The following SEMA3D variants were observed in gnomAD, a reference collection of about 807,000 sequenced individuals.
The protein encoded by SEMA3D is semaphorin-3D.
SEMA3D carries 84 observed loss-of-function variants against 100.1 expected under a neutral mutation model. The observed-to-expected ratio is 0.84, with a 90% CI of 0.70 to 1.01. The LOEUF (loss-of-function observed/expected upper bound fraction) is 1.01. Ranked by LOEUF, SEMA3D falls within the 50% of genes least tolerant of loss-of-function variation. The probability of loss-of-function intolerance (pLI) is 0.00; values close to 1 mark genes in which losing one functional copy is unlikely to be tolerated. For synonymous variants in SEMA3D, 312 were observed against 320.7 expected, an observed-to-expected ratio of 0.97 and a Z score of 0.29; for missense variants, 875 against 934.1, an observed-to-expected ratio of 0.94 and a Z score of 0.82.
At chr7:85,005,235 G>A (rs1239960016) in intron 18 of SEMA3D, among the ~76,000 whole-genome samples, 1 of 151,786 alleles carries the variant, frequency 6.6e-6, no homozygotes, top group Non-Finnish European at 1.5e-5. Flanking sequence ...AAATCTGCAA[G>A]TTAAAAAATT....
At chr7:85,029,061 C>A (rs1296335681) in intron 12 of SEMA3D, 2 of 524,372 alleles carry the variant, frequency 3.8e-6, no homozygotes, top group South Asian at 3.6e-5. Context: ...TCATGGCTGT[C>A]CTCATCAAGT....
chr7:85,244,333 G>A, the SEMA3D span, among the ~76,000 whole-genome samples: 3 of 152,134 alleles, frequency 2.0e-5, no homozygotes, highest in Non-Finnish European at 4.4e-5. Flanking sequence ...CTATTCATGA[G>A]GGTGGTACCC....
intron 17 of SEMA3D, among the ~76,000 whole-genome samples, chr7:85,010,160 C>T (rs996435847): frequency 1.3e-5 from 2 of 151,728 alleles, no homozygotes; most frequent in African/African-American, 4.8e-5. Context: ...TGCAAACATA[C>T]ATAAGGCAGC....
chr7:85,009,299 T>A (rs558373616), intron 17 of SEMA3D, among the ~76,000 whole-genome samples: 1 of 151,918 alleles, frequency 6.6e-6, no homozygotes, highest in East Asian at 1.9e-4. Context: ...GAACTATTTT[T>A]CTGCATGTAT....
rs71082183 is a variant in SEMA3D at position 85,033,858 on chromosome 7, TACACACACAC to T, written c.1191+3021_1191+3030del. 1.1e-4 allele frequency among the ~76,000 whole-genome samples: 15 copies of T among 141,190 alleles called. 1 individual carries two copies. The highest frequency in any genetic ancestry group is 1.3e-4 in the African/African-American group (5 of 38,490). The allele number at this position is 141,190 out of a possible 152,430, so 92.6% of individuals were successfully genotyped here. ...GTTTTCCCAATTTTAATCACACACA[TACACACACAC>T]ACACACACACACACACACACACACA... On this transcript the variant is annotated intron_variant, in intron 12 of 18. Coordinates refer to ENST00000284136, the MANE Select transcript of SEMA3D (RefSeq NM_001384900.1).
chr7:85,167,069 T>C (rs756596576), intron 1 of SEMA3D, among the ~76,000 whole-genome samples: 3 of 151,902 alleles, frequency 2.0e-5, no homozygotes, highest in Non-Finnish European at 4.4e-5. Flanking sequence ...GAAATATCCA[T>C]TAGGATGGCT....
intron 15 of SEMA3D, among the ~76,000 whole-genome samples, chr7:85,017,250 T>A (rs1790130294): frequency 1.3e-5 from 2 of 151,778 alleles, no homozygotes; most frequent in South Asian, 4.1e-4. Flanking sequence ...CTTTCCCTGT[T>A]CCTTCTGGCT....
intron 2 of SEMA3D, among the ~76,000 whole-genome samples, chr7:85,147,815 T>C: frequency 6.6e-6 from 1 of 152,152 alleles, no homozygotes; most frequent in Non-Finnish European, 1.5e-5. Context: ...ATATACAACA[T>C]AGGAGAAGTA....
At chr7:85,107,335 G>A (rs1042757003) in intron 3 of SEMA3D, among the ~76,000 whole-genome samples, 1 of 152,048 alleles carries the variant, frequency 6.6e-6, no homozygotes, top group African/African-American at 2.4e-5. Flanking sequence ...TCTGGTAAAG[G>A]TGTGCAGAGA....
At chr7:85,243,889 C>T in the SEMA3D span, among the ~76,000 whole-genome samples, 4 of 152,228 alleles carry the variant, frequency 2.6e-5, no homozygotes, top group East Asian at 5.8e-4. Flanking sequence ...CTCATATTGA[C>T]AATAAGAATA....
At chr7:85,068,814 T>G (rs1340726264) in intron 6 of SEMA3D, among the ~76,000 whole-genome samples, 5 of 152,156 alleles carry the variant, frequency 3.3e-5, no homozygotes, top group African/African-American at 1.2e-4. Flanking sequence ...TTTCAAGTTG[T>G]TGATACATCT....
chr7:85,086,820 G>A (rs948725761), intron 4 of SEMA3D, among the ~76,000 whole-genome samples: 9 of 152,082 alleles, frequency 5.9e-5, no homozygotes, highest in Non-Finnish European at 1.2e-4. Context: ...TGTTGTACAA[G>A]AGCCCAAGAG....
At chr7:85,202,022 GTCTC>G in the SEMA3D span, among the ~76,000 whole-genome samples, 1 of 151,270 alleles carries the variant, frequency 6.6e-6, no homozygotes, top group Non-Finnish European at 1.5e-5. Flanking sequence ...ACTAGTCTCT[GTCTC>G]TCTCTCTCTT....
At chr7:85,140,061 CTAT>C (rs1318909006) in intron 2 of SEMA3D, 11 of 473,714 alleles carry the variant, frequency 2.3e-5, no homozygotes, top group Non-Finnish European at 3.0e-5. Context: ...ACACATGCTA[CTAT>C]TAATTACATT....
At chr7:85,245,407 A>G in the SEMA3D span, among the ~76,000 whole-genome samples, 1 of 152,196 alleles carries the variant, frequency 6.6e-6, no homozygotes. Context: ...TATTCAGACA[A>G]CTATATGCCT....
chr7:85,034,822 G>A (rs973480085), intron 12 of SEMA3D, among the ~76,000 whole-genome samples: 1 of 152,060 alleles, frequency 6.6e-6, no homozygotes, highest in African/African-American at 2.4e-5. Flanking sequence ...CAAAAGATGA[G>A]TATTAAGGAG....
chr7:85,035,215 GTA>G (rs935616712), intron 12 of SEMA3D, among the ~76,000 whole-genome samples: 22 of 150,636 alleles, frequency 1.5e-4, no homozygotes, highest in Admixed American at 6.0e-4. Context: ...ATATATAAAT[GTA>G]TATATGATAT....
At chr7:85,057,131 T>C (rs541234115) in intron 8 of SEMA3D, among the ~76,000 whole-genome samples, 1 of 152,150 alleles carries the variant, frequency 6.6e-6, no homozygotes, top group East Asian at 1.9e-4. Context: ...AAGATGGCCA[T>C]AATATATGTA....
chr7:85,229,465 T>C, the SEMA3D span, among the ~76,000 whole-genome samples: 27 of 152,232 alleles, frequency 1.8e-4, no homozygotes, highest in Non-Finnish European at 3.2e-4. Context: ...TTCTACACCA[T>C]TGGATTTTAT....
Sources: gnomAD v4.1 joint callset for allele counts (sites outside exome capture counted in the v4.1 genomes callset) on GRCh38, gnomAD v4.1.1 for gene constraint, MANE v1.5 for transcripts, NCBI Gene and HGNC (gene_info 2026-07-23, HGNC 2026-07-21) for gene names.